RAB5B: variants seen among roughly 807,000 people sequenced by gnomAD.
RAB5B encodes the protein RAB5B, member RAS oncogene family.
RAB5B carries 11 observed loss-of-function variants against 28.6 expected under a neutral mutation model. The ratio of observed to expected loss-of-function variants is 0.38; its 90% CI spans 0.24 to 0.64. RAB5B has a LOEUF of 0.64. Ranked by LOEUF, RAB5B falls within the 30% of genes least tolerant of loss-of-function variation. The probability of loss-of-function intolerance (pLI) is 0.53; values close to 1 mark genes in which losing one functional copy is unlikely to be tolerated. For missense variants in RAB5B, 169 were observed against 265.6 expected (o/e 0.64, Z 2.53); for synonymous variants, 93 against 97.9 (o/e 0.95, Z 0.29).
At chr12:55,976,043 C>T (rs1246465819) in intron 1 of RAB5B, among the ~76,000 whole-genome samples, 2 of 152,134 alleles carry the variant, frequency 1.3e-5, no homozygotes, top group Non-Finnish European at 2.9e-5. Flanking sequence ...AGCCACCACA[C>T]CCGGCCATCA....
rs34151959 is a variant in RAB5B, at chr12:55,993,960, CT to C, written c.*1750del. ...CAAGGCAAAAGAGAACTTTAAGTTCCTTGTTCCAGCCCGGAGTTTTGGGAAA... is the reference window on the plus strand; with the variant it reads ...CAAGGCAAAAGAGAACTTTAAGTTCCTGTTCCAGCCCGGAGTTTTGGGAAA... On this transcript the variant is annotated 3_prime_UTR_variant, in exon 6 of 6. Coordinates refer to ENST00000360299, the MANE Select transcript of RAB5B (RefSeq NM_002868.4). The C allele has an allele frequency of 0.074, 11,347 of 152,446 alleles. 468 individuals carry two copies. Among genetic ancestry groups the C allele is most frequent in the Non-Finnish European group, 0.081 (5,522 of 68,012 alleles). 9.4% of individuals were successfully genotyped at this position (152,446 alleles called of 1,614,324 possible).
Position 55,992,129 on chromosome 12 carries a change from C to G in RAB5B, c.565C>G (p.Leu189Val). The G allele has an allele frequency of 6.2e-7, 1 of 1,614,086 alleles. No individual in the cohort carries two copies. The highest frequency in any genetic ancestry group is 8.5e-7 in the Non-Finnish European group (1 of 1,180,008). ...GTTGCCAAAGAGTGAACCCCAGAAT[C>G]TGGGAGGTGCAGCAGGCCGAAGCCG... ...KKLPKSEPQN[L>V]GGAAGRSRGV... Residue 189 changes from leucine (L) to valine (V), a missense_variant, in exon 6 of 6, where the codon CTG becomes GTG. Physicochemically the swap from Leu to Val is conservative, Grantham distance 32. Transcript: ENST00000360299.
At chr12:55,980,741 T>G (rs1238482592) in intron 1 of RAB5B, 2 of 1,579,316 alleles carry the variant, frequency 1.3e-6, no homozygotes, top group African/African-American at 1.3e-5. Flanking sequence ...GTTCTGAATA[T>G]TCTCGAAAGA....
intron 2 of RAB5B, among the ~76,000 whole-genome samples, chr12:55,989,449 A>G (rs1890045958): frequency 6.7e-6 from 1 of 148,706 alleles, no homozygotes; most frequent in Non-Finnish European, 1.5e-5. Context: ...TAATTTTTGT[A>G]TTTTTAGTAG....
chr12:55,978,993 G>A (rs750533043), intron 1 of RAB5B, among the ~76,000 whole-genome samples: 2 of 151,866 alleles, frequency 1.3e-5, no homozygotes, highest in South Asian at 2.1e-4. Context: ...GGCTGGTCTC[G>A]AACTCCTAAC....
At position 55,990,015 on chromosome 12, in the gene RAB5B, G is replaced by A; in HGVS notation, c.232G>A (p.Gly78Arg). The A allele has an allele frequency of 6.2e-7, 1 of 1,614,028 alleles. No homozygotes were observed. The highest frequency in any genetic ancestry group is 8.5e-7 in the Non-Finnish European group (1 of 1,179,898). ...GAAGTTTGAGATCTGGGACACAGCT[G>A]GGCAGGAGCGATATCACAGCTTAGC... ...TVKFEIWDTA[G>R]QERYHSLAPM... Residue 78 changes from glycine (G) to arginine (R), a missense_variant, in exon 3 of 6, where the codon GGG becomes AGG. Physicochemically the swap from Gly to Arg is moderately radical, Grantham distance 125. Coordinates refer to ENST00000360299, the MANE Select transcript of RAB5B (RefSeq NM_002868.4).
intron 1 of RAB5B, among the ~76,000 whole-genome samples, chr12:55,978,460 C>T (rs752082053): frequency 3.9e-4 from 59 of 151,494 alleles, no homozygotes; most frequent in African/African-American, 1.1e-3. Context: ...GCCGAGATCG[C>T]GTCACTGCAC....
intron 2 of RAB5B, among the ~76,000 whole-genome samples, chr12:55,987,639 G>A (rs1340406876): frequency 6.6e-6 from 1 of 151,912 alleles, no homozygotes; most frequent in Non-Finnish European, 1.5e-5. Flanking sequence ...AGACCAGCCT[G>A]CCCAACATGG....
intron 1 of RAB5B, among the ~76,000 whole-genome samples, chr12:55,978,167 G>C (rs992374241): frequency 2.0e-5 from 3 of 152,160 alleles, no homozygotes; most frequent in Non-Finnish European, 2.9e-5. Flanking sequence ...GATCACAGAG[G>C]AGCCAGGGAG....
chr12:55,987,537 A>C (rs1889986775), intron 2 of RAB5B, among the ~76,000 whole-genome samples: 1 of 152,024 alleles, frequency 6.6e-6, no homozygotes, highest in South Asian at 2.1e-4. Context: ...TTTCCCCAGA[A>C]ATGGAAACCC....
At chr12:55,974,674 C>T (rs1345743463) in intron 1 of RAB5B, among the ~76,000 whole-genome samples, 1 of 152,034 alleles carries the variant, frequency 6.6e-6, no homozygotes, top group Admixed American at 6.5e-5. Context: ...TGGTGTTGAG[C>T]TGAGAGAGAT....
At chr12:55,975,808 TTTTTG>T (rs1889629804) in intron 1 of RAB5B, among the ~76,000 whole-genome samples, 2 of 148,946 alleles carry the variant, frequency 1.3e-5, no homozygotes, top group South Asian at 4.3e-4. Context: ...TTTTTTTTTT[TTTTTG>T]AGACGGAGTC....
At chr12:55,981,316 G>A (rs995531129) in intron 1 of RAB5B, among the ~76,000 whole-genome samples, 4 of 151,966 alleles carry the variant, frequency 2.6e-5, no homozygotes, top group South Asian at 2.1e-4. Context: ...TGCCCATCTC[G>A]CCCTCCCAAA....
chr12:55,984,338 C>T (rs950761653), intron 1 of RAB5B, among the ~76,000 whole-genome samples: 8 of 152,028 alleles, frequency 5.3e-5, no homozygotes, highest in South Asian at 2.1e-4. Context: ...TACAGGCACG[C>T]GCCACCACGC....
chr12:55,986,557 A>G (rs1422039386), intron 1 of RAB5B, among the ~76,000 whole-genome samples: 1 of 152,228 alleles, frequency 6.6e-6, no homozygotes, highest in East Asian at 1.9e-4. Flanking sequence ...CTAAAGGTTG[A>G]TCACTTTGTG....
rs750100977 is a variant in RAB5B at position 55,992,242 on chromosome 12, G to T, written c.*30G>T. The T allele has an allele frequency of 2.1e-5, 32 of 1,546,566 alleles. No homozygotes were observed. The highest frequency in any genetic ancestry group is 2.7e-5 in the Non-Finnish European group (30 of 1,120,020). ...GTGGCTAGCAGCAAACAAGTATGGAGCTAGCACAAGAGCTAAGAAATAACC... is the reference window on the plus strand; with the variant it reads ...GTGGCTAGCAGCAAACAAGTATGGATCTAGCACAAGAGCTAAGAAATAACC... On this transcript the variant is annotated 3_prime_UTR_variant, in exon 6 of 6. Transcript: ENST00000360299.
At chr12:55,987,889 T>G (rs1889998709) in intron 2 of RAB5B, among the ~76,000 whole-genome samples, 1 of 147,492 alleles carries the variant, frequency 6.8e-6, no homozygotes, top group Non-Finnish European at 1.5e-5. Context: ...GGGTCACACC[T>G]GTAATCCCAG....
In RAB5B at chr12:55,992,456, C is replaced by G. The variant is rs1406309950; in HGVS notation, c.*244C>G. On this transcript the variant is annotated 3_prime_UTR_variant, in exon 6 of 6. Transcript: ENST00000360299. ...GGGGGTCAACTCCCCCCAGGACTTA[C>G]CTTCCAAAACAAACTTTCTTCACTT... 1.5e-6 allele frequency: 1 copy of G among 663,260 alleles called. No homozygotes were observed. The highest frequency in any genetic ancestry group is 3.0e-5 in the East Asian group (1 of 33,898). 41.1% of individuals were successfully genotyped at this position (663,260 alleles called of 1,614,324 possible).
Position 55,996,003 on chromosome 12 carries a change from A to ATATATATTTTTTT in RAB5B, c.*3792_*3793insATATATTTTTTTT. ...TATATACATATATATATATATATAT[A>ATATATATTTTTTT]TTTTTTTTTTAACAACTGGTAGGAT... On this transcript the variant is annotated 3_prime_UTR_variant, in exon 6 of 6. Coordinates refer to ENST00000360299, the MANE Select transcript of RAB5B (RefSeq NM_002868.4). 2.9e-4 allele frequency: 28 copies of ATATATATTTTTTT among 97,406 alleles called. No individual in the cohort carries two copies. The highest frequency in any genetic ancestry group is 5.0e-4 in the Non-Finnish European group (25 of 50,482). 6.0% of individuals were successfully genotyped at this position (97,406 alleles called of 1,614,324 possible). A position where few individuals can be genotyped will look rare whatever the true frequency, so the allele number is the denominator to read the frequency against.
Sources: allele counts gnomAD v4.1 joint callset (sites outside exome capture counted in the v4.1 genomes callset), GRCh38; gene constraint gnomAD v4.1.1; transcripts MANE v1.5; gene names NCBI Gene and HGNC (gene_info 2026-07-23, HGNC 2026-07-21).